TBC1D5: variants seen among roughly 807,000 people sequenced by gnomAD.
TBC1D5 encodes TBC1 domain family member 5, also known as TBC1 domain family, member 5.
Under a neutral mutation model 100.3 loss-of-function variants are expected in TBC1D5, and 75 were observed. The observed-to-expected ratio is 0.75, with a 90% CI of 0.62 to 0.91. The LOEUF (loss-of-function observed/expected upper bound fraction) is 0.91. TBC1D5 is among the 40% of genes least tolerant of loss of function. The pLI is 0.00. For synonymous variants in TBC1D5, 323 were observed against 325.6 expected (o/e 0.99, Z 0.09); for missense variants, 910 against 942.4 (o/e 0.97, Z 0.45).
intron 18 of TBC1D5, among the ~76,000 whole-genome samples, chr3:17,211,676 G>C (rs772563416): frequency 6.6e-6 from 1 of 152,100 alleles, no homozygotes; most frequent in African/African-American, 2.4e-5. Flanking sequence ...GCTTTCTTAG[G>C]CTGCTTAGTT....
intron 3 of TBC1D5, among the ~76,000 whole-genome samples, chr3:17,462,449 G>A (rs58473554): frequency 0.091 from 13,727 of 151,170 alleles, 1,410 homozygotes; most frequent in African/African-American, 0.25. Context: ...TCAGCCTCCT[G>A]AATAGCTAGG....
chr3:17,426,317 A>G (rs1019772083), intron 4 of TBC1D5, among the ~76,000 whole-genome samples: 3 of 152,140 alleles, frequency 2.0e-5, no homozygotes, highest in Admixed American at 2.0e-4. Context: ...GCTATACCAC[A>G]GAGCTGTGCT....
chr3:17,179,705 C>T (rs181539069), intron 19 of TBC1D5, among the ~76,000 whole-genome samples: 6 of 152,230 alleles, frequency 3.9e-5, no homozygotes, highest in East Asian at 1.9e-4. Flanking sequence ...TAATATTCTA[C>T]GATCCTATGA....
chr3:17,411,532 C>A (rs1250541748), intron 4 of TBC1D5, among the ~76,000 whole-genome samples: 2 of 152,112 alleles, frequency 1.3e-5, no homozygotes, highest in Non-Finnish European at 2.9e-5. Flanking sequence ...AGACACCATG[C>A]AGTTCTGTGG....
intron 3 of TBC1D5, among the ~76,000 whole-genome samples, chr3:17,455,316 G>GTA (rs1559923432): frequency 1.5e-3 from 202 of 135,472 alleles, no homozygotes; most frequent in African/African-American, 6.5e-3. Context: ...ATGTAAATAT[G>GTA]TGTATATGTG....
At chr3:17,634,720 CACTT>C (rs1203606539) in intron 1 of TBC1D5, among the ~76,000 whole-genome samples, 2 of 148,504 alleles carry the variant, frequency 1.3e-5, no homozygotes, top group African/African-American at 4.9e-5. Flanking sequence ...CTTTTAAAAA[CACTT>C]AAAAGAATAG....
intron 1 of TBC1D5, among the ~76,000 whole-genome samples, chr3:17,694,328 C>T (rs1329706590): frequency 6.6e-6 from 1 of 152,136 alleles, no homozygotes; most frequent in Non-Finnish European, 1.5e-5. Context: ...GAACACATCG[C>T]AAGGAAGCTA....
chr3:17,470,168 C>A (rs901804212), intron 3 of TBC1D5, among the ~76,000 whole-genome samples: 25 of 152,198 alleles, frequency 1.6e-4, no homozygotes, highest in Admixed American at 7.2e-4. Context: ...ACTAGTTTTT[C>A]CCCTTAGTCA....
At chr3:17,226,137 C>T (rs185405287) in intron 17 of TBC1D5, among the ~76,000 whole-genome samples, 1 of 149,726 alleles carries the variant, frequency 6.7e-6, no homozygotes. Flanking sequence ...GACTTCTCTG[C>T]CTTTTTCGTA....
intron 16 of TBC1D5, among the ~76,000 whole-genome samples, chr3:17,245,918 A>G (rs2076699239): frequency 6.6e-6 from 1 of 152,200 alleles, no homozygotes; most frequent in Non-Finnish European, 1.5e-5. Context: ...TCTCTAGAGC[A>G]TTAGGGATTT....
rs2096143414 is a variant in TBC1D5, at chr3:17,526,906, C to T, written c.-35-18301G>A. Among the ~76,000 whole-genome samples, 3 of 152,134 alleles carry T rather than the reference C, an allele frequency of 2.0e-5. No homozygotes were observed. The South Asian group carries it at 6.2e-4, about 32-fold the overall frequency. ...TAGATATTCCATGCTGTTTTCTCAA[C>T]ATGTCTGTTGAGGAAGGAAAGAAGG... On this transcript the variant is annotated intron_variant, in intron 2 of 21. Transcript: ENST00000253692.
chr3:17,491,310 G>C (rs1576331067), intron 3 of TBC1D5, among the ~76,000 whole-genome samples: 1 of 151,988 alleles, frequency 6.6e-6, no homozygotes, highest in Non-Finnish European at 1.5e-5. Flanking sequence ...ATTTCTTTCT[G>C]TTGCCTGAGT....
In TBC1D5 at chr3:17,673,316, T is replaced by C. The variant is rs548889930; in HGVS notation, c.-100-49403A>G. 5.1e-4 allele frequency among the ~76,000 whole-genome samples: 75 copies of C among 147,702 alleles called. 1 individual carries two copies. The highest frequency in any genetic ancestry group is 2.2e-4 in the African/African-American group (9 of 40,668). On this transcript the variant is annotated intron_variant, in intron 1 of 21. Coordinates refer to ENST00000253692, the Ensembl canonical transcript of TBC1D5. Reference sequence around the variant, plus strand: ...TCTGTACTTTCTTTTCTTTTCTTTTTTTTTTTTTTTTTGAGACAGGGTCTC... The same window carrying C: ...TCTGTACTTTCTTTTCTTTTCTTTTCTTTTTTTTTTTTGAGACAGGGTCTC...
chr3:17,705,297 G>C (rs1437014482), intron 1 of TBC1D5, among the ~76,000 whole-genome samples: 4 of 103,096 alleles, frequency 3.9e-5, no homozygotes, highest in African/African-American at 1.4e-4. Flanking sequence ...GCGGGGGGCT[G>C]ACCCCCCCAC....
intron 17 of TBC1D5, among the ~76,000 whole-genome samples, chr3:17,215,004 G>A (rs1030624989): frequency 1.3e-5 from 2 of 152,082 alleles, no homozygotes; most frequent in African/African-American, 2.4e-5. Flanking sequence ...TAAGAGCAAG[G>A]AGGAGAAGGG....
intron 15 of TBC1D5, among the ~76,000 whole-genome samples, chr3:17,262,484 T>C (rs917953945): frequency 2.0e-5 from 3 of 149,628 alleles, no homozygotes; most frequent in Non-Finnish European, 4.5e-5. Flanking sequence ...CAATGTTTTT[T>C]TTTTTTTTTT....
At chr3:17,705,407 C>T (rs2073980363) in intron 1 of TBC1D5, among the ~76,000 whole-genome samples, 2 of 142,696 alleles carry the variant, frequency 1.4e-5, no homozygotes, top group African/African-American at 2.6e-5. Flanking sequence ...CCTCACTTCC[C>T]AGATGGGGTG....
chr3:17,569,742 T>C (rs1366396160), intron 2 of TBC1D5, among the ~76,000 whole-genome samples: 1 of 151,222 alleles, frequency 6.6e-6, no homozygotes, highest in Non-Finnish European at 1.5e-5. Flanking sequence ...ACAGAGAAAG[T>C]ACTACTGATT....
chr3:17,666,878 C>A (rs1281566454), intron 1 of TBC1D5, among the ~76,000 whole-genome samples: 1 of 151,944 alleles, frequency 6.6e-6, no homozygotes, highest in East Asian at 1.9e-4. Flanking sequence ...AAAATAGTAA[C>A]ATTATAACAA....
Sources: allele counts gnomAD v4.1 joint callset (sites outside exome capture counted in the v4.1 genomes callset), GRCh38; gene constraint gnomAD v4.1.1; transcripts MANE v1.5; gene names NCBI Gene and HGNC (gene_info 2026-07-23, HGNC 2026-07-21).